EPCAM: variants seen among roughly 807,000 people sequenced by gnomAD.
The protein encoded by EPCAM is epithelial cell adhesion molecule.
EPCAM carries 39 observed loss-of-function variants against 40.0 expected under a neutral mutation model. That is an observed-to-expected ratio of 0.98 (90% CI 0.76 to 1.27). The LOEUF (loss-of-function observed/expected upper bound fraction) is 1.27, where lower values mean the gene tolerates loss of function less well. EPCAM is among the 50% of genes most tolerant of loss of function. The probability of loss-of-function intolerance (pLI) is 0.00; values close to 1 mark genes in which losing one functional copy is unlikely to be tolerated. For synonymous variants in EPCAM, 168 were observed against 132.3 expected, an observed-to-expected ratio of 1.27 and a Z score of -1.85; for missense variants, 503 against 381.2, an observed-to-expected ratio of 1.32 and a Z score of -2.66.
intron 3 of EPCAM, 46 bp downstream of exon 3, chr2:47,374,094 C>G (rs780168377): frequency 1.0e-5 from 16 of 1,603,668 alleles, no homozygotes; most frequent in Admixed American, 1.7e-5. Flanking sequence ...TGTTCAGATT[C>G]ATTTAATTAA....
intron 1 of EPCAM, chr2:47,369,786 C>G (rs1186348712): frequency 2.6e-5 from 18 of 696,712 alleles, no homozygotes; most frequent in Admixed American, 2.0e-4. Context: ...GGAGCAGCCT[C>G]ACTTCGCAGC....
chr2:47,375,788 C>G (rs1443713399), intron 4 of EPCAM, among the ~76,000 whole-genome samples: 1 of 151,830 alleles, frequency 6.6e-6, no homozygotes, highest in Non-Finnish European at 1.5e-5. Flanking sequence ...TCACTGCAAC[C>G]TGCGCCTGCC....
In EPCAM at chr2:47,373,902, G is replaced by C. The variant is rs200529878; in HGVS notation, c.279G>C (p.Gly93=). 6.2e-7 allele frequency: 1 copy of C among 1,614,152 alleles called. No individual in the cohort carries two copies. The highest frequency in any genetic ancestry group is 8.5e-7 in the Non-Finnish European group (1 of 1,180,030). Residue 93 remains glycine, a synonymous_variant, in exon 3 of 9, where the codon GGG becomes GGC. Transcript: ENST00000263735. ...AAGGGGCCCTCCAGAACAATGATGG[G>C]CTTTATGATCCTGACTGCGATGAGA... is the stretch of plus-strand genomic sequence containing the variant. ...KPEGALQNND[G]LYDPDCDESG... is the part of the protein sequence containing the mutation.
rs748065050 is a variant in EPCAM, at chr2:47,379,863, A to T, written c.752A>T (p.Tyr251Phe). Residue 251 changes from tyrosine (Y) to phenylalanine (F), a missense_variant, in exon 7 of 9, where the codon TAT becomes TTT. Transcript: ENST00000263735. ...GATCCTGGTCAAACTTTAATTTATTATGTTGATGAAAAAGCACCTGAATTC... is the reference window on the plus strand; with the variant it reads ...GATCCTGGTCAAACTTTAATTTATTTTGTTGATGAAAAAGCACCTGAATTC... ...DLDPGQTLIY[Y>F]VDEKAPEFSM... 2 of 1,614,056 alleles carry T rather than the reference A, an allele frequency of 1.2e-6. No individual in the cohort carries two copies. The highest frequency in any genetic ancestry group is 1.7e-6 in the Non-Finnish European group (2 of 1,180,044).
chr2:47,386,525 A>G (rs1402407871), intron 8 of EPCAM, 47 bp from the exon 9 acceptor site: 1 of 1,435,112 alleles, frequency 7.0e-7, no homozygotes. Flanking sequence ...TGAACAAAAG[A>G]TTGAAAAATT....
chr2:47,369,555 C>T lies in EPCAM; in HGVS notation c.50C>T (p.Thr17Met), dbSNP rs116429842. Reference sequence around the variant, plus strand: ...TTCGGGCTTCTGCTTGCCGCGGCGACGGCGACTTTTGCCGCAGCTCAGGAA... The same window carrying T: ...TTCGGGCTTCTGCTTGCCGCGGCGATGGCGACTTTTGCCGCAGCTCAGGAA... ...LAFGLLLAAATATFAAAQEEC... is the reference protein window; with the variant it reads ...LAFGLLLAAAMATFAAAQEEC... Residue 17 changes from threonine (T) to methionine (M), a missense_variant, in exon 1 of 9, where the codon ACG becomes ATG. Thr to Met is a moderately conservative substitution (Grantham distance 81, BLOSUM62 -1). Coordinates refer to ENST00000263735, the MANE Select transcript of EPCAM (RefSeq NM_002354.3). 95 of 1,588,400 alleles carry T rather than the reference C, an allele frequency of 6.0e-5. No homozygotes were observed. Among genetic ancestry groups the T allele is most frequent in the Middle Eastern group, 2.0e-4 (1 of 5,092 alleles).
chr2:47,369,491 C>CT lies in EPCAM; in HGVS notation c.-15_-14insT. 6.6e-7 allele frequency: 1 copy of CT among 1,526,716 alleles called. No individual in the cohort carries two copies. Among genetic ancestry groups the CT allele is most frequent in the East Asian group, 2.5e-5 (1 of 39,684 alleles). The allele number at this position is 1,526,716 out of a possible 1,614,324, so 94.6% of individuals were successfully genotyped here. A position where few individuals can be genotyped will look rare whatever the true frequency, so the allele number is the denominator to read the frequency against. On this transcript the variant is annotated 5_prime_UTR_variant, in exon 1 of 9. Coordinates refer to ENST00000263735, the MANE Select transcript of EPCAM (RefSeq NM_002354.3). ...CGGGCCCCTCCCGCGCCCCTCTTCT[C>CT]GGCGCGCGCGCAGCATGGCGCCCCC...
rs576453738 is a variant in EPCAM at position 47,379,043 on chromosome 2, T to G, written c.646T>G (p.Phe216Val). 2.6e-6 allele frequency: 4 copies of G among 1,567,140 alleles called. No homozygotes were observed. In the African/African-American group the frequency reaches 5.4e-5, roughly 21 times the overall value. ...GGACATAGCTGATGTGGCTTATTAT[T>G]TTGAAAAAGATGTGAGTATCATCTT... Reference protein sequence around the residue: ...DVDIADVAYYFEKDVKGESLF... With the variant: ...DVDIADVAYYVEKDVKGESLF... Residue 216 changes from phenylalanine to valine, a missense_variant, in exon 6 of 9, where the codon TTT (phenylalanine) becomes GTT (valine). Coordinates refer to ENST00000263735, the MANE Select transcript of EPCAM (RefSeq NM_002354.3).
rs1671758171 is a variant in EPCAM, at chr2:47,386,945, G to T, written c.*332G>T. 2 of 260,840 alleles carry T rather than the reference G, an allele frequency of 7.7e-6. No homozygotes were observed. The highest frequency in any genetic ancestry group is 4.3e-5 in the African/African-American group (2 of 46,052). The allele number at this position is 260,840 out of a possible 1,614,324, so 16.2% of individuals were successfully genotyped here. Reference sequence around the variant, plus strand: ...CTGAAAAACTGATTTGTGATTGAAAGCTGCCTTTCTATTTACTTGAGTCTT... The same window carrying T: ...CTGAAAAACTGATTTGTGATTGAAATCTGCCTTTCTATTTACTTGAGTCTT... On this transcript the variant is annotated 3_prime_UTR_variant, in exon 9 of 9. Coordinates refer to ENST00000263735, the MANE Select transcript of EPCAM (RefSeq NM_002354.3).
chr2:47,370,774 A>G (rs1671240928), intron 1 of EPCAM, among the ~76,000 whole-genome samples: 1 of 151,902 alleles, frequency 6.6e-6, no homozygotes, highest in Admixed American at 6.6e-5. Flanking sequence ...CTTGTTGCCC[A>G]GGCTGGAGTA....
intron 1 of EPCAM, chr2:47,369,959 A>C: frequency 2.7e-6 from 1 of 372,656 alleles, no homozygotes; most frequent in South Asian, 2.1e-5. Context: ...AAACAGCCCC[A>C]GCCGGTGGCG....
At chr2:47,384,239 G>T (rs1427600438) in intron 7 of EPCAM, among the ~76,000 whole-genome samples, 2 of 151,594 alleles carry the variant, frequency 1.3e-5, no homozygotes, top group Non-Finnish European at 2.9e-5. Context: ...GAGTAGATGG[G>T]ATTACAGGCG....
chr2:47,373,024 G>A (rs558253551), intron 1 of EPCAM, among the ~76,000 whole-genome samples: 66 of 151,492 alleles, frequency 4.4e-4, no homozygotes, highest in African/African-American at 1.5e-3. Context: ...TGGGCAACAT[G>A]GCGAAACCCC....
chr2:47,381,384 C>A, intron 7 of EPCAM, among the ~76,000 whole-genome samples: 1 of 133,832 alleles, frequency 7.5e-6, no homozygotes, highest in Non-Finnish European at 1.5e-5. Flanking sequence ...AAGAGTGAAA[C>A]TCCGTCTCAA....
chr2:47,381,085 C>T (rs1197251685), intron 7 of EPCAM, among the ~76,000 whole-genome samples: 1 of 39,018 alleles, frequency 2.6e-5, no homozygotes, highest in East Asian at 8.3e-4. Flanking sequence ...GACTCTGTCT[C>T]AAAAAAAAAA....
chr2:47,373,747 T>A, intron 2 of EPCAM, 61 bp from the exon 3 acceptor site: 2 of 1,608,604 alleles, frequency 1.2e-6, no homozygotes, highest in South Asian at 2.2e-5. Context: ...AGTTAATTTT[T>A]TTTTTCCCGT....
intron 1 of EPCAM, among the ~76,000 whole-genome samples, chr2:47,372,467 G>C (rs529467381): frequency 1.8e-4 from 28 of 151,670 alleles, no homozygotes; most frequent in Admixed American, 4.6e-4. Flanking sequence ...GTGAAAACCC[G>C]TCTCTACTAA....
chr2:47,385,429 G>A (rs1050913783), intron 8 of EPCAM, among the ~76,000 whole-genome samples: 8 of 152,098 alleles, frequency 5.3e-5, no homozygotes, highest in Non-Finnish European at 1.0e-4. Flanking sequence ...TAGAAGAGTG[G>A]AATGGGAAGC....
At chr2:47,371,479 G>T (rs530250002) in intron 1 of EPCAM, among the ~76,000 whole-genome samples, 2 of 152,196 alleles carry the variant, frequency 1.3e-5, no homozygotes, top group Non-Finnish European at 2.9e-5. Context: ...TTTGCCAAAG[G>T]TCTCTGGAAG....
Sources: allele counts gnomAD v4.1 joint callset (sites outside exome capture counted in the v4.1 genomes callset), GRCh38; gene constraint gnomAD v4.1.1; transcripts MANE v1.5; gene names NCBI Gene and HGNC (gene_info 2026-07-23, HGNC 2026-07-21).